Variants in ANK2 observed in about 807,000 individuals in gnomAD.
ANK2 encodes ankyrin-2.
ANK2 carries 83 observed loss-of-function variants against 360.5 expected under a neutral mutation model. The observed-to-expected ratio is 0.23, with a 90% CI of 0.19 to 0.28. The LOEUF is 0.28. ANK2 is among the 10% of genes least tolerant of loss of function. The probability of loss-of-function intolerance (pLI) is 1.00; values close to 1 mark genes in which losing one functional copy is unlikely to be tolerated. For missense variants in ANK2, 4,201 were observed against 4,795.7 expected, an observed-to-expected ratio of 0.88 and a Z score of 3.66; for synonymous variants, 1,740 against 1,759.5, an observed-to-expected ratio of 0.99 and a Z score of 0.28.
chr4:113,328,862 TTTC>T (rs1184784204), intron 26 of ANK2, among the ~76,000 whole-genome samples: 1 of 152,250 alleles, frequency 6.6e-6, no homozygotes, highest in Non-Finnish European at 1.5e-5. Flanking sequence ...CTAAGATATT[TTTC>T]TTCATTTATC....
the ANK2 span, among the ~76,000 whole-genome samples, chr4:112,799,172 C>G: frequency 6.6e-6 from 1 of 152,158 alleles, no homozygotes; most frequent in African/African-American, 2.4e-5. Context: ...AGCTAAATAA[C>G]GTTCCATTGT....
intron 1 of ANK2, among the ~76,000 whole-genome samples, chr4:113,160,848 G>T (rs1228332952): frequency 6.6e-6 from 1 of 152,158 alleles, no homozygotes; most frequent in Non-Finnish European, 1.5e-5. Context: ...AATGTTCAGG[G>T]TGTTGGGGAC....
Position 113,038,618 on chromosome 4 carries a change from C to T in ANK2, c.21+134104C>T, listed in dbSNP as rs77474381. Among the ~76,000 whole-genome samples, 1,372 of 152,042 alleles carry T rather than the reference C, an allele frequency of 9.0e-3. 36 individuals carry two copies. The highest frequency in any genetic ancestry group is 0.086 in the East Asian group (440 of 5,144). On this transcript the variant is annotated intron_variant, in intron 2 of 30. Coordinates refer to the ANK2 transcript ENST00000503271. ...CCACCTACCCCTCAACAAGAGGTGG[C>T]GTCGATTTCTTCACCCCTTGAATCT... is the stretch of plus-strand genomic sequence containing the variant.
intron 2 of ANK2, among the ~76,000 whole-genome samples, chr4:113,193,234 G>A (rs996144049): frequency 6.6e-6 from 1 of 152,120 alleles, no homozygotes; most frequent in Non-Finnish European, 1.5e-5. Context: ...GAAGATCTGA[G>A]AATAACTAAT....
chr4:112,898,727 C>A (rs2082425389), intron 1 of ANK2, among the ~76,000 whole-genome samples: 1 of 152,118 alleles, frequency 6.6e-6, no homozygotes. Context: ...TGAAAGAGTT[C>A]ATTTTCTTCT....
At chr4:112,723,116 A>C in the ANK2 span, among the ~76,000 whole-genome samples, 6 of 152,190 alleles carry the variant, frequency 3.9e-5, no homozygotes, top group African/African-American at 9.6e-5. Context: ...ACAACTTCTG[A>C]TACACCTACA....
intron 2 of ANK2, among the ~76,000 whole-genome samples, chr4:113,035,193 G>C (rs1173696170): frequency 6.6e-6 from 1 of 151,274 alleles, no homozygotes; most frequent in East Asian, 1.9e-4. Context: ...GTGTGCTGCA[G>C]GTGGGTTGGG....
intron 2 of ANK2, among the ~76,000 whole-genome samples, chr4:113,184,573 T>C (rs1263595587): frequency 1.3e-5 from 2 of 152,128 alleles, no homozygotes; most frequent in East Asian, 3.9e-4. Flanking sequence ...GAGGTGAAGC[T>C]GCCATTCCTG....
chr4:113,315,595 G>A (rs965344262), intron 24 of ANK2, among the ~76,000 whole-genome samples: 4 of 152,112 alleles, frequency 2.6e-5, no homozygotes, highest in Non-Finnish European at 5.9e-5. Flanking sequence ...AAGGTGAATA[G>A]AATTTAAGAG....
the ANK2 span, among the ~76,000 whole-genome samples, chr4:112,737,993 A>G: frequency 6.6e-6 from 1 of 152,228 alleles, no homozygotes. Context: ...CATACCATTC[A>G]TCTAACATAA....
intron 38 of ANK2, 24 bp downstream of exon 38, chr4:113,359,323 C>T (rs2154031644): frequency 2.5e-6 from 4 of 1,612,480 alleles, no homozygotes; most frequent in Non-Finnish European, 2.5e-6. Flanking sequence ...ACCGGGATTC[C>T]CTGTGCTACG....
At chr4:113,140,701 G>A (rs76827053) in intron 1 of ANK2, among the ~76,000 whole-genome samples, 23,303 of 151,876 alleles carry the variant, frequency 0.15, 2,817 homozygotes, top group East Asian at 0.51. Flanking sequence ...TTAATCGGCC[G>A]GGCCCAGTGG....
At chr4:112,764,551 G>C in the ANK2 span, among the ~76,000 whole-genome samples, 1 of 152,046 alleles carries the variant, frequency 6.6e-6, no homozygotes, top group South Asian at 2.1e-4. Flanking sequence ...GACCAGGCTG[G>C]TCTTGAACTT....
In ANK2 at chr4:113,356,308, G is replaced by A; in HGVS notation, c.7690G>A (p.Val2564Met). 6.2e-7 allele frequency: 1 copy of A among 1,614,162 alleles called. No homozygotes were observed. The highest frequency in any genetic ancestry group is 8.5e-7 in the Non-Finnish European group (1 of 1,179,998). Residue 2564 changes from valine (V) to methionine (M), a missense_variant, in exon 38 of 46, where the codon GTG becomes ATG. Val to Met is a conservative substitution (Grantham distance 21). This residue lies in a region of ANK2 where 2,642 missense variants were observed against 2,714.5 expected (regional missense o/e 0.97). Coordinates refer to ENST00000357077, the MANE Select transcript of ANK2 (RefSeq NM_001148.6). ...TTDVSTPKPA[V>M]IHECAEEDDS... ...AGATGTAAGTACACCAAAACCAGCTGTGATTCATGAATGTGCAGAGGAGGA... is the reference window on the plus strand; with the variant it reads ...AGATGTAAGTACACCAAAACCAGCTATGATTCATGAATGTGCAGAGGAGGA...
At chr4:112,763,476 C>T in the ANK2 span, among the ~76,000 whole-genome samples, 1 of 151,742 alleles carries the variant, frequency 6.6e-6, no homozygotes, top group Admixed American at 6.6e-5. Flanking sequence ...TCGTGATCTG[C>T]CTGCCTCGGC....
At chr4:113,146,007 A>C (rs2096821586) in intron 1 of ANK2, 1 of 1,289,698 alleles carries the variant, frequency 7.8e-7, no homozygotes, top group African/African-American at 1.5e-5. Flanking sequence ...AGTGTGGGTA[A>C]GTTTTAGGCC....
chr4:113,017,129 A>T (rs1310402501), intron 2 of ANK2, among the ~76,000 whole-genome samples: 1 of 152,230 alleles, frequency 6.6e-6, no homozygotes, highest in Non-Finnish European at 1.5e-5. Context: ...GTTTGTAGCT[A>T]ATCTTTGACC....
At chr4:112,959,625 C>G (rs1048963436) in intron 2 of ANK2, among the ~76,000 whole-genome samples, 2 of 152,164 alleles carry the variant, frequency 1.3e-5, no homozygotes, top group African/African-American at 4.8e-5. Context: ...TGTATTATAA[C>G]TGCCTTTTAT....
chr4:113,145,883 C>A, intron 1 of ANK2: 1 of 1,289,712 alleles, frequency 7.8e-7, no homozygotes, highest in South Asian at 1.2e-5. Context: ...GGAATGCAGC[C>A]CTCTGCTCTT....
Sources: gnomAD v4.1 joint callset for allele counts (sites outside exome capture counted in the v4.1 genomes callset) on GRCh38, gnomAD v4.1.1 for gene constraint, gnomAD v4.1.1 regional missense constraint, MANE v1.5 for transcripts, NCBI Gene and HGNC (gene_info 2026-07-23, HGNC 2026-07-21) for gene names.